The following WIPF1 variants were observed in gnomAD, a reference collection of about 807,000 sequenced individuals.
WIPF1 encodes the protein WAS/WASL-interacting protein family member 1.
In WIPF1, 13 loss-of-function variants were observed where a neutral mutation model predicts 35.4. The ratio of observed to expected loss-of-function variants is 0.37; its 90% confidence interval spans 0.24 to 0.58. The LOEUF (loss-of-function observed/expected upper bound fraction) is 0.58. Among genes scored for constraint, WIPF1 ranks in the 20% least tolerant of loss-of-function variants. The pLI, the probability that WIPF1 is intolerant of heterozygous loss-of-function variation, is 0.74. For missense variants in WIPF1, 591 were observed against 667.0 expected (o/e 0.89, Z 1.25); for synonymous variants, 267 against 266.3 (o/e 1.00, Z -0.02).
chr2:174,648,001 G>C (rs532585757), intron 1 of WIPF1, among the ~76,000 whole-genome samples: 16 of 152,324 alleles, frequency 1.1e-4, no homozygotes, highest in Admixed American at 4.6e-4. Context: ...GTTACAATTA[G>C]AGAGTGGGTT....
At chr2:174,595,289 T>TCAAAAAAAAAAAAAAAAAAAA (rs1685783751) in intron 1 of WIPF1, among the ~76,000 whole-genome samples, 1 of 64,134 alleles carries the variant, frequency 1.6e-5, no homozygotes, top group Non-Finnish European at 2.8e-5. Flanking sequence ...AAACCCTGTC[T>TCAAAAAAAAAAAAAAAAAAAA]CAAAAAAAAA....
chr2:174,595,105 AAAAAATATAT>A (rs1460903244), intron 1 of WIPF1, among the ~76,000 whole-genome samples: 10 of 40,574 alleles, frequency 2.5e-4, no homozygotes, highest in African/African-American at 6.9e-4. Context: ...AAAAAAAAAA[AAAAAATATAT>A]ATATATATAT....
rs188646332 is a variant in WIPF1, at chr2:174,647,435, G to A, written c.-39+35339C>T. 7.8e-4 allele frequency among the ~76,000 whole-genome samples: 118 copies of A among 151,604 alleles called. 3 individuals carry two copies. The East Asian group carries it at 0.021, about 27-fold the overall frequency. On this transcript the variant is annotated intron_variant, in intron 1 of 8. Coordinates refer to the WIPF1 transcript ENST00000272746. ...GTCACCTAGGCTGGAATGCAATGGC[G>A]CGATCTCAGCTCACGGCAACCTCTG...
chr2:174,582,519 T>G (rs1324230292), intron 2 of WIPF1, among the ~76,000 whole-genome samples: 1 of 152,258 alleles, frequency 6.6e-6, no homozygotes, highest in African/African-American at 2.4e-5. Context: ...TGGGGAAATG[T>G]ATGGCTCAAT....
chr2:174,597,302 G>A (rs960972362), intron 1 of WIPF1, among the ~76,000 whole-genome samples: 2 of 152,152 alleles, frequency 1.3e-5, no homozygotes, highest in South Asian at 2.1e-4. Flanking sequence ...TATATTTACC[G>A]ACATAAGCCC....
At chr2:174,629,658 G>A (rs1686954831) in intron 1 of WIPF1, 1 of 152,264 alleles carries the variant, frequency 6.6e-6, no homozygotes, top group Non-Finnish European at 1.5e-5. Context: ...TTCTAAACTG[G>A]GACTTGCCTA....
chr2:174,623,365 G>GT (rs1232566010), intron 1 of WIPF1: 1 of 152,232 alleles, frequency 6.6e-6, no homozygotes, highest in Non-Finnish European at 1.5e-5. Context: ...CCATCTGAAA[G>GT]TTTGGGGGAG....
At chr2:174,597,485 T>G (rs1685857061) in intron 1 of WIPF1, 116 bp downstream of exon 1, 1 of 152,274 alleles carries the variant, frequency 6.6e-6, no homozygotes, top group South Asian at 2.1e-4. Flanking sequence ...CACATGGTGC[T>G]CTACAGAAAA....
At chr2:174,648,453 T>C (rs1237361595) in intron 1 of WIPF1, among the ~76,000 whole-genome samples, 1 of 152,216 alleles carries the variant, frequency 6.6e-6, no homozygotes, top group Non-Finnish European at 1.5e-5. Context: ...CTGAAATATG[T>C]CTCCTGAACA....
chr2:174,568,291 A>C (rs1305600201), intron 5 of WIPF1, among the ~76,000 whole-genome samples: 1 of 152,182 alleles, frequency 6.6e-6, no homozygotes, highest in Non-Finnish European at 1.5e-5. Context: ...CTGATAGCTA[A>C]ATGGGTGTTT....
chr2:174,565,603 T>G (rs1203152517), intron 7 of WIPF1, among the ~76,000 whole-genome samples: 1 of 152,222 alleles, frequency 6.6e-6, no homozygotes, highest in Non-Finnish European at 1.5e-5. Flanking sequence ...GTCTTAACTT[T>G]AGCTGTTATT....
chr2:174,670,511 C>A (rs1687991656), intron 1 of WIPF1, among the ~76,000 whole-genome samples: 1 of 152,206 alleles, frequency 6.6e-6, no homozygotes, highest in East Asian at 1.9e-4. Flanking sequence ...AACCTCTCTG[C>A]AAGGAAGAAA....
At chr2:174,618,886 C>T (rs1374008833) in intron 1 of WIPF1, among the ~76,000 whole-genome samples, 1 of 152,154 alleles carries the variant, frequency 6.6e-6, no homozygotes, top group Admixed American at 6.5e-5. Context: ...TTTTACTCTT[C>T]TATTGTCTCA....
At chr2:174,643,540 G>T (rs1348515057) in intron 1 of WIPF1, among the ~76,000 whole-genome samples, 1 of 148,716 alleles carries the variant, frequency 6.7e-6, no homozygotes, top group Admixed American at 6.6e-5. Context: ...AGCCTCCCAA[G>T]TAGCTGGAAT....
At chr2:174,596,971 A>T (rs1387852808) in intron 1 of WIPF1, among the ~76,000 whole-genome samples, 1 of 152,240 alleles carries the variant, frequency 6.6e-6, no homozygotes, top group Non-Finnish European at 1.5e-5. Flanking sequence ...ATGCCAAAAC[A>T]TTAATCATAT....
chr2:174,611,639 A>C (rs1184116284), intron 1 of WIPF1, among the ~76,000 whole-genome samples: 1 of 152,196 alleles, frequency 6.6e-6, no homozygotes, highest in Non-Finnish European at 1.5e-5. Context: ...CTGTCCCCCA[A>C]ATATTTCTTA....
intron 1 of WIPF1, among the ~76,000 whole-genome samples, chr2:174,672,186 C>T (rs954987043): frequency 1.1e-4 from 16 of 152,308 alleles, no homozygotes; most frequent in African/African-American, 3.1e-4. Flanking sequence ...TTATCAGGGG[C>T]GGGTTCCCCC....
chr2:174,599,604 G>A (rs13414604), upstream of WIPF1, among the ~76,000 whole-genome samples: 1,508 of 152,236 alleles, frequency 9.9e-3, 27 homozygotes, highest in African/African-American at 0.034. Flanking sequence ...GCCACTTCCC[G>A]CGATACAAAC....
Position 174,622,363 on chromosome 2 carries a change from T to G in WIPF1, c.-38-36752A>C, listed in dbSNP as rs1186503611. Among the ~76,000 whole-genome samples, 1 of 152,234 alleles carries G rather than the reference T, an allele frequency of 6.6e-6. No individual in the cohort carries two copies. The highest frequency in any genetic ancestry group is 1.9e-4 in the East Asian group (1 of 5,206). ...CATATTTAGTGTCATCCTAAGTAAC[T>G]ATATCCATGAAATCATGAATTTCAT... On this transcript the variant is annotated intron_variant, in intron 1 of 8. Transcript: ENST00000272746. The surrounding 1 kb of genome is among the most constrained non-coding windows in gnomAD (Gnocchi z 5.1).
Sources: gnomAD v4.1 joint callset for allele counts (sites outside exome capture counted in the v4.1 genomes callset) on GRCh38, gnomAD v4.1.1 for gene constraint, Gnocchi (gnomAD v3.1) non-coding constraint, MANE v1.5 for transcripts, NCBI Gene and HGNC (gene_info 2026-07-23, HGNC 2026-07-21) for gene names.